Variants in GRID2 observed in about 807,000 individuals in gnomAD.
GRID2 encodes the protein glutamate ionotropic receptor delta type subunit 2.
In GRID2, 33 loss-of-function variants were observed where a neutral mutation model predicts 114.8. The observed-to-expected ratio is 0.29, with a 90% CI of 0.22 to 0.38. GRID2 has a LOEUF of 0.38. GRID2 is among the 10% of genes least tolerant of loss of function. The pLI, the probability that GRID2 is intolerant of heterozygous loss-of-function variation, is 1.00. For synonymous variants in GRID2, 505 were observed against 449.9 expected, an observed-to-expected ratio of 1.12 and a Z score of -1.55; for missense variants, 1,184 against 1,257.7, an observed-to-expected ratio of 0.94 and a Z score of 0.89.
intron 13 of GRID2, among the ~76,000 whole-genome samples, chr4:93,585,031 G>A (rs1234094115): frequency 6.6e-6 from 1 of 152,026 alleles, no homozygotes; most frequent in Non-Finnish European, 1.5e-5. Flanking sequence ...AATAAGCAGA[G>A]GTTATCATTC....
chr4:93,288,522 G>C (rs1225870425), intron 8 of GRID2, among the ~76,000 whole-genome samples: 1 of 152,144 alleles, frequency 6.6e-6, no homozygotes, highest in Admixed American at 6.6e-5. Flanking sequence ...TCTTGCAGGA[G>C]AAATGGAGTC....
At chr4:92,971,283 A>G (rs1194182977) in intron 2 of GRID2, among the ~76,000 whole-genome samples, 2 of 152,080 alleles carry the variant, frequency 1.3e-5, no homozygotes, top group Non-Finnish European at 2.9e-5. Context: ...AAGAGCAGGG[A>G]CATAGGCACT....
chr4:93,290,739 A>G (rs926534637), intron 8 of GRID2, among the ~76,000 whole-genome samples: 1 of 151,462 alleles, frequency 6.6e-6, no homozygotes, highest in African/African-American at 2.4e-5. Context: ...CTTGGCTTCT[A>G]TCTTGGTCAT....
chr4:92,655,996 G>A (rs1732212841), intron 2 of GRID2, among the ~76,000 whole-genome samples: 1 of 151,736 alleles, frequency 6.6e-6, no homozygotes, highest in African/African-American at 2.4e-5. Flanking sequence ...TATGTTAGCT[G>A]TGGGTTTCTC....
chr4:93,148,715 A>T (rs1402971696), intron 4 of GRID2, among the ~76,000 whole-genome samples: 1 of 152,170 alleles, frequency 6.6e-6, no homozygotes, highest in Non-Finnish European at 1.5e-5. Context: ...AAGTAAAGTT[A>T]CTTATAATTC....
Position 93,422,859 on chromosome 4 carries a change from C to G in GRID2, c.1436C>G (p.Ser479Cys). 6.2e-7 allele frequency: 1 copy of G among 1,613,152 alleles called. No individual in the cohort carries two copies. Among genetic ancestry groups the G allele is most frequent in the Non-Finnish European group, 8.5e-7 (1 of 1,179,154 alleles). Residue 479 changes from serine to cysteine, a missense_variant, in exon 10 of 16, where the codon TCT becomes TGT. Ser to Cys is a moderately radical substitution (Grantham distance 112). Coordinates refer to ENST00000282020, the MANE Select transcript of GRID2 (RefSeq NM_001510.4). ...TCCATTGATGTTTTGGATGCCTTAT[C>G]TAACTACCTGGGTTTTAACTACGAA... ...GFSIDVLDAL[S>C]NYLGFNYEIY...
Position 93,615,683 on chromosome 4 carries a change from GC to G in GRID2, c.2194-10585del, listed in dbSNP as rs1741560642. 4.0e-5 allele frequency among the ~76,000 whole-genome samples: 6 copies of G among 149,128 alleles called. No homozygotes were observed. In the South Asian group the frequency reaches 1.3e-3, roughly 31 times the overall value. On this transcript the variant is annotated intron_variant, in intron 13 of 15. Transcript: ENST00000282020. Reference sequence around the variant, plus strand: ...AATTGAGGAAGTTCTGTGTAACTTGGCTACCTTGTTGTGGTGACTTACTGTT... The same window carrying G: ...AATTGAGGAAGTTCTGTGTAACTTGGTACCTTGTTGTGGTGACTTACTGTT...
intron 2 of GRID2, among the ~76,000 whole-genome samples, chr4:92,817,114 C>T (rs1010742260): frequency 1.3e-5 from 2 of 152,112 alleles, no homozygotes; most frequent in South Asian, 4.1e-4. Flanking sequence ...CATTCACATC[C>T]AGCTGGCCAC....
At chr4:93,365,307 C>T (rs753902885) in intron 8 of GRID2, among the ~76,000 whole-genome samples, 7 of 152,142 alleles carry the variant, frequency 4.6e-5, no homozygotes, top group Non-Finnish European at 7.4e-5. Context: ...CATCTTTTGC[C>T]TCCTCTACAA....
chr4:93,279,507 C>T (rs1266536971), intron 8 of GRID2, among the ~76,000 whole-genome samples: 1 of 151,620 alleles, frequency 6.6e-6, no homozygotes, highest in African/African-American at 2.4e-5. Flanking sequence ...TATTTTGGAA[C>T]ATACTGAGAT....
chr4:92,524,358 T>G (rs1478716741), intron 1 of GRID2, among the ~76,000 whole-genome samples: 1 of 151,642 alleles, frequency 6.6e-6, no homozygotes, highest in Non-Finnish European at 1.5e-5. Flanking sequence ...GTAGCTGAAA[T>G]TAAGGTGTCA....
At chr4:93,273,798 T>C (rs762999053) in intron 8 of GRID2, among the ~76,000 whole-genome samples, 1 of 152,130 alleles carries the variant, frequency 6.6e-6, no homozygotes, top group Non-Finnish European at 1.5e-5. Context: ...AGTTTAAAGC[T>C]AGCAAGATAA....
intron 2 of GRID2, among the ~76,000 whole-genome samples, chr4:93,063,273 G>C (rs776734344): frequency 3.3e-5 from 5 of 151,848 alleles, no homozygotes; most frequent in Non-Finnish European, 7.4e-5. Flanking sequence ...ACTCACATCT[G>C]ATAATTCTGT....
chr4:92,464,031 G>C (rs1374417275), intron 1 of GRID2, among the ~76,000 whole-genome samples: 1 of 151,588 alleles, frequency 6.6e-6, no homozygotes, highest in Non-Finnish European at 1.5e-5. Flanking sequence ...GTCACTTTCA[G>C]AGACTCAATC....
At chr4:92,757,090 T>C (rs918417095) in intron 2 of GRID2, among the ~76,000 whole-genome samples, 4 of 152,122 alleles carry the variant, frequency 2.6e-5, no homozygotes, top group Admixed American at 1.3e-4. Context: ...TCAGGTCTTA[T>C]GTTTATGTTT....
intron 1 of GRID2, among the ~76,000 whole-genome samples, chr4:92,501,659 C>T (rs1306353924): frequency 6.6e-6 from 1 of 152,118 alleles, no homozygotes; most frequent in Non-Finnish European, 1.5e-5. Context: ...ATGCCAGCAG[C>T]CTCCAGCCTT....
chr4:92,812,706 C>T (rs1228483182), intron 2 of GRID2, among the ~76,000 whole-genome samples: 2 of 152,100 alleles, frequency 1.3e-5, no homozygotes, highest in Non-Finnish European at 2.9e-5. Flanking sequence ...TTATGCTGTA[C>T]AGGTATACAA....
intron 3 of GRID2, among the ~76,000 whole-genome samples, chr4:93,106,136 T>A (rs1216364150): frequency 6.6e-6 from 1 of 152,156 alleles, no homozygotes; most frequent in Non-Finnish European, 1.5e-5. Flanking sequence ...CAGAAACTTC[T>A]TTTAGCTTTC....
At chr4:93,068,610 G>T (rs1290790098) in intron 2 of GRID2, among the ~76,000 whole-genome samples, 2 of 151,746 alleles carry the variant, frequency 1.3e-5, no homozygotes, top group Non-Finnish European at 2.9e-5. Flanking sequence ...GTCTTCATCA[G>T]AAATGTTATT....
Sources: gnomAD v4.1 joint callset for allele counts (sites outside exome capture counted in the v4.1 genomes callset) on GRCh38, gnomAD v4.1.1 for gene constraint, MANE v1.5 for transcripts, NCBI Gene and HGNC (gene_info 2026-07-23, HGNC 2026-07-21) for gene names.